Variants in PDE4B observed in about 807,000 individuals in gnomAD.
PDE4B encodes 3',5'-cyclic-AMP phosphodiesterase 4B.
In PDE4B, 20 loss-of-function variants were observed where a neutral mutation model predicts 82.2. The observed-to-expected ratio is 0.24, with a 90% CI of 0.17 to 0.35. The LOEUF is 0.35. Among genes scored for constraint, PDE4B ranks in the 10% least tolerant of loss-of-function variants. The pLI is 1.00. For missense variants in PDE4B, 655 were observed against 907.2 expected, an observed-to-expected ratio of 0.72 and a Z score of 3.57; for synonymous variants, 320 against 318.9, an observed-to-expected ratio of 1.00 and a Z score of -0.04.
chr1:65,934,081 C>A (rs1569737861), intron 3 of PDE4B, among the ~76,000 whole-genome samples: 1 of 151,800 alleles, frequency 6.6e-6, no homozygotes, highest in East Asian at 1.9e-4. Flanking sequence ...TTTATGTAAG[C>A]CCCATAGTGG....
chr1:66,040,357 A>G (rs775023670), intron 3 of PDE4B, among the ~76,000 whole-genome samples: 3 of 151,884 alleles, frequency 2.0e-5, no homozygotes, highest in Non-Finnish European at 4.4e-5. Flanking sequence ...TTCCCTTCCT[A>G]ACTCACCAGG....
intron 7 of PDE4B, among the ~76,000 whole-genome samples, chr1:66,283,839 C>T (rs976832584): frequency 6.6e-6 from 1 of 152,038 alleles, no homozygotes; most frequent in Non-Finnish European, 1.5e-5. Context: ...GTACTGCTTA[C>T]TTTTAATGGG....
At chr1:66,236,905 G>A (rs534113283) in intron 3 of PDE4B, among the ~76,000 whole-genome samples, 1 of 152,280 alleles carries the variant, frequency 6.6e-6, no homozygotes, top group Admixed American at 6.5e-5. Flanking sequence ...TTGTCAGCAA[G>A]TTATTTAAGC....
chr1:65,914,213 G>A (rs971228584), intron 2 of PDE4B, among the ~76,000 whole-genome samples: 1 of 152,180 alleles, frequency 6.6e-6, no homozygotes, highest in Non-Finnish European at 1.5e-5. Flanking sequence ...TTTCACAGAT[G>A]CTCACCCTAT....
chr1:65,988,899 G>T (rs1651097304), intron 3 of PDE4B, among the ~76,000 whole-genome samples: 4 of 152,050 alleles, frequency 2.6e-5, no homozygotes, highest in Admixed American at 2.6e-4. Context: ...AATATAAAAA[G>T]TATGTAATTA....
At chr1:65,997,367 A>T (rs2100695572) in intron 3 of PDE4B, among the ~76,000 whole-genome samples, 1 of 152,296 alleles carries the variant, frequency 6.6e-6, no homozygotes, top group South Asian at 2.1e-4. Flanking sequence ...AAGGTTTATG[A>T]AGTCTTTACT....
intron 3 of PDE4B, among the ~76,000 whole-genome samples, chr1:66,154,471 ACT>A (rs1254557518): frequency 1.3e-5 from 2 of 152,006 alleles, no homozygotes; most frequent in Non-Finnish European, 2.9e-5. Flanking sequence ...GAAAAAAGGG[ACT>A]CTCGGGAAAT....
intron 3 of PDE4B, among the ~76,000 whole-genome samples, chr1:66,187,630 T>G (rs1160760226): frequency 1.3e-5 from 2 of 152,234 alleles, no homozygotes; most frequent in Non-Finnish European, 2.9e-5. Flanking sequence ...TAGAGGTGTT[T>G]GTAGTATTCT....
rs574610992 is a variant in PDE4B, at chr1:66,266,738, C to T, written c.634+651C>T. 3 of 516,872 alleles carry T rather than the reference C, an allele frequency of 5.8e-6. 1 individual carries two copies. Among genetic ancestry groups the T allele is most frequent in the South Asian group, 2.9e-5 (2 of 68,594 alleles). The allele number at this position is 516,872 out of a possible 1,614,324, so 32.0% of individuals were successfully genotyped here. A position where few individuals can be genotyped will look rare whatever the true frequency, so the allele number is the denominator to read the frequency against. ...GAGGAAGGGCCACCTTGAAGGAACACCATGGAGTTCTGTTGGAACTGAAAT... is the reference window on the plus strand; with the variant it reads ...GAGGAAGGGCCACCTTGAAGGAACATCATGGAGTTCTGTTGGAACTGAAAT... On this transcript the variant is annotated intron_variant, in intron 7 of 16. Transcript: ENST00000341517.
At chr1:66,282,714 C>A (rs985865220) in intron 7 of PDE4B, among the ~76,000 whole-genome samples, 1 of 152,190 alleles carries the variant, frequency 6.6e-6, no homozygotes, top group Non-Finnish European at 1.5e-5. Flanking sequence ...TTTAACCTTT[C>A]TAGACTCAGT....
chr1:66,143,189 GT>G (rs1175830622), intron 3 of PDE4B, among the ~76,000 whole-genome samples: 1 of 152,140 alleles, frequency 6.6e-6, no homozygotes, highest in Non-Finnish European at 1.5e-5. Flanking sequence ...GAAGACAAGG[GT>G]TTGTCTTTGT....
intron 3 of PDE4B, among the ~76,000 whole-genome samples, chr1:66,006,684 C>T (rs1363574673): frequency 6.6e-6 from 1 of 151,998 alleles, no homozygotes; most frequent in Non-Finnish European, 1.5e-5. Context: ...GAGGAGGTTC[C>T]CCCATGCTGT....
intron 3 of PDE4B, among the ~76,000 whole-genome samples, chr1:66,178,402 G>T (rs770695792): frequency 6.6e-6 from 1 of 151,966 alleles, no homozygotes; most frequent in Non-Finnish European, 1.5e-5. Context: ...ACTCGGTTCC[G>T]TGTTATTCTA....
At chr1:66,331,905 TCTTA>T (rs1426513094) in intron 7 of PDE4B, 12 of 989,862 alleles carry the variant, frequency 1.2e-5, no homozygotes, top group African/African-American at 7.0e-5. Flanking sequence ...AGCCTATGCC[TCTTA>T]CTTGTGCGGG....
chr1:66,332,570 C>G lies in PDE4B; in HGVS notation c.697C>G (p.Leu233Val), dbSNP rs116739380. 2 of 1,614,000 alleles carry G rather than the reference C, an allele frequency of 1.2e-6. No individual in the cohort carries two copies. The highest frequency in any genetic ancestry group is 1.7e-6 in the Non-Finnish European group (2 of 1,179,888). ...LEELDWCLDQ[L>V]ETIQTYRSVS... ...GGAATTAGACTGGTGTTTAGACCAG[C>G]TAGAGACCATACAGACCTACCGGTC... Residue 233 changes from leucine (L) to valine (V), a missense_variant, in exon 8 of 17, where the codon CTA (leucine) becomes GTA (valine). Around this residue, in one of 3 missense-constraint regions of PDE4B, gnomAD observed 283 missense variants for 516.4 expected, o/e 0.55. Transcript: ENST00000341517.
intron 7 of PDE4B, among the ~76,000 whole-genome samples, chr1:66,315,151 G>C (rs926175745): frequency 4.6e-5 from 7 of 152,180 alleles, no homozygotes; most frequent in South Asian, 2.1e-4. Context: ...TCACAAGGTT[G>C]TTTTGAGTAT....
Position 66,309,639 on chromosome 1 carries a change from G to C in PDE4B, c.635-22869G>C, listed in dbSNP as rs561648316. ...CTTTGGAATCAGACAGTCTTGGATG[G>C]GAGTACAGGCTGTGCCACTCACTAG... On this transcript the variant is annotated intron_variant, in intron 7 of 16. Coordinates refer to ENST00000341517, the MANE Select transcript of PDE4B (RefSeq NM_002600.4). Among the ~76,000 whole-genome samples the C allele has an allele frequency of 2.0e-5, 3 of 152,142 alleles. No homozygotes were observed. In the South Asian group the frequency reaches 6.2e-4, roughly 31 times the overall value.
chr1:66,206,547 T>A (rs1435708008), intron 3 of PDE4B, among the ~76,000 whole-genome samples: 4 of 152,186 alleles, frequency 2.6e-5, no homozygotes, highest in Non-Finnish European at 5.9e-5. Flanking sequence ...TTTAAAAAAA[T>A]TCTTTGGGTG....
At chr1:65,873,762 G>A (rs1165043774) in intron 1 of PDE4B, among the ~76,000 whole-genome samples, 2 of 152,116 alleles carry the variant, frequency 1.3e-5, no homozygotes, top group East Asian at 3.9e-4. Flanking sequence ...CTACATATAT[G>A]TGTTAGGGCT....
Sources: gnomAD v4.1 joint callset for allele counts (sites outside exome capture counted in the v4.1 genomes callset) on GRCh38, gnomAD v4.1.1 for gene constraint, gnomAD v4.1.1 regional missense constraint, MANE v1.5 for transcripts, NCBI Gene and HGNC (gene_info 2026-07-23, HGNC 2026-07-21) for gene names.